C8orf90: variants seen among roughly 807,000 people sequenced by gnomAD.
C8orf90 encodes the protein uncharacterized protein C8orf90.
the C8orf90 span, chr8:141,518,315 C>T: frequency 1.5e-6 from 1 of 669,194 alleles, no homozygotes; most frequent in Non-Finnish European, 2.7e-6. Context: ...GCCTACCGCG[C>T]GCTGGGCAAG....
At chr8:141,518,311 C>T in the C8orf90 span, 6 of 668,954 alleles carry the variant, frequency 9.0e-6, no homozygotes, top group South Asian at 9.4e-5. Flanking sequence ...GCGCGCCTAC[C>T]GCGCGCTGGG....
chr8:141,518,669 G>A, the C8orf90 span: 1 of 543,328 alleles, frequency 1.8e-6, no homozygotes, highest in Non-Finnish European at 3.2e-6. Context: ...GCACCCCCAG[G>A]CTGGCCCAGG....
chr8:141,518,705 A>G, the C8orf90 span: 1 of 509,410 alleles, frequency 2.0e-6, no homozygotes, highest in Non-Finnish European at 3.5e-6. Flanking sequence ...GAGAGCGAAC[A>G]GAATAAATAA....
chr8:141,515,444 C>G, the C8orf90 span, among the ~76,000 whole-genome samples: 108,587 of 149,296 alleles, frequency 0.73, 41,627 homozygotes, highest in Non-Finnish European at 0.84. Context: ...GCCCTGCCCT[C>G]TCCCTAGCTC....
chr8:141,518,178 C>T, the C8orf90 span: 1 of 540,962 alleles, frequency 1.8e-6, no homozygotes, highest in Non-Finnish European at 3.2e-6. Flanking sequence ...CCGGCCCTCC[C>T]CGCCCTGCCG....
chr8:141,518,076 C>G, the C8orf90 span: 1 of 512,446 alleles, frequency 2.0e-6, no homozygotes, highest in Non-Finnish European at 3.4e-6. Context: ...CCATCCCCAG[C>G]TCTGCCTTTC....
the C8orf90 span, among the ~76,000 whole-genome samples, chr8:141,517,565 C>G: frequency 6.6e-5 from 10 of 152,326 alleles, no homozygotes; most frequent in East Asian, 1.9e-3. Context: ...TCCACCTCCG[C>G]TCCCTCCTGG....
At chr8:141,518,092 C>A in the C8orf90 span, 1 of 512,038 alleles carries the variant, frequency 2.0e-6, no homozygotes, top group Non-Finnish European at 3.4e-6. Context: ...CTTTCGAGCT[C>A]ATTCGGCGGC....
chr8:141,514,815 T>A, the C8orf90 span: 3 of 693,696 alleles, frequency 4.3e-6, no homozygotes, highest in Non-Finnish European at 7.9e-6. Context: ...ACGGGGCACC[T>A]GGGGCTCTGA....
chr8:141,515,011 AG>A, the C8orf90 span, among the ~76,000 whole-genome samples: 4 of 151,916 alleles, frequency 2.6e-5, no homozygotes, highest in Non-Finnish European at 5.9e-5. Context: ...TCCCCAGGGA[AG>A]GGGTTGGCTC....
chr8:141,516,869 A>G, the C8orf90 span, among the ~76,000 whole-genome samples: 4 of 152,234 alleles, frequency 2.6e-5, no homozygotes, highest in Admixed American at 2.0e-4. Flanking sequence ...CTGCAACTGC[A>G]GCAGAACAGG....
the C8orf90 span, among the ~76,000 whole-genome samples, chr8:141,516,679 T>C: frequency 6.6e-6 from 1 of 152,096 alleles, no homozygotes; most frequent in Non-Finnish European, 1.5e-5. Flanking sequence ...TTAAACATCA[T>C]CTCCCCAGTG....
the C8orf90 span, chr8:141,518,090 C>G: frequency 2.0e-6 from 1 of 512,070 alleles, no homozygotes; most frequent in Non-Finnish European, 3.4e-6. Context: ...GCCTTTCGAG[C>G]TCATTCGGCG....
the C8orf90 span, among the ~76,000 whole-genome samples, chr8:141,515,490 C>T: frequency 1.7e-4 from 25 of 150,982 alleles, no homozygotes; most frequent in African/African-American, 2.9e-4. Context: ...CTCAGCCCCT[C>T]GGACTCCTGT....
the C8orf90 span, chr8:141,518,299 G>C: frequency 1.1e-5 from 7 of 664,460 alleles, 1 homozygote; most frequent in South Asian, 9.4e-5. Flanking sequence ...CCGCGGCATC[G>C]GGCGCGCCTA....
chr8:141,518,428 G>A, the C8orf90 span: 10 of 668,194 alleles, frequency 1.5e-5, no homozygotes, highest in Middle Eastern at 5.4e-4. Context: ...GCTCTTCTAC[G>A]ACCCCCGCGA....
At chr8:141,518,263 G>A in the C8orf90 span, 23 of 634,636 alleles carry the variant, frequency 3.6e-5, no homozygotes, top group Admixed American at 7.3e-5. Flanking sequence ...CTACGGCGGG[G>A]ACGCGCAGCT....
the C8orf90 span, among the ~76,000 whole-genome samples, chr8:141,517,186 A>G: frequency 1.1e-5 from 1 of 88,218 alleles, no homozygotes; most frequent in Non-Finnish European, 3.0e-5. Context: ...GAATATTGTT[A>G]CCCCTCCCAA....
chr8:141,518,073 C>T, the C8orf90 span: 1 of 511,504 alleles, frequency 2.0e-6, no homozygotes, highest in Non-Finnish European at 3.4e-6. Flanking sequence ...TGGCCATCCC[C>T]AGCTCTGCCT....
Sources: allele counts gnomAD v4.1 joint callset (sites outside exome capture counted in the v4.1 genomes callset), GRCh38; gene constraint gnomAD v4.1.1; transcripts MANE v1.5; gene names NCBI Gene and HGNC (gene_info 2026-07-23, HGNC 2026-07-21).